SYNE2: variants seen among roughly 807,000 people sequenced by gnomAD.
SYNE2 encodes the protein nesprin-2.
Under a neutral mutation model 856.3 loss-of-function variants are expected in SYNE2, and 431 were observed. The observed-to-expected ratio is 0.50, with a 90% CI of 0.47 to 0.55. SYNE2 has a LOEUF of 0.55. Ranked by LOEUF, SYNE2 falls within the 20% of genes least tolerant of loss-of-function variation. The pLI is 0.00. For synonymous variants in SYNE2, 2,923 were observed against 2,872.3 expected (o/e 1.02, Z -0.56); for missense variants, 8,129 against 8,023.2 (o/e 1.01, Z -0.50).
intron 80 of SYNE2, among the ~76,000 whole-genome samples, chr14:64,141,111 A>G (rs1216974093): frequency 6.6e-6 from 1 of 152,128 alleles, no homozygotes; most frequent in Admixed American, 6.6e-5. Flanking sequence ...CTTATTTTTA[A>G]AAATGTTAAC....
At chr14:64,057,797 T>G (rs2097285177) in intron 49 of SYNE2, among the ~76,000 whole-genome samples, 1 of 152,246 alleles carries the variant, frequency 6.6e-6, no homozygotes, top group East Asian at 1.9e-4. Flanking sequence ...TGCCTGTCTT[T>G]TGGCTAAAAG....
Position 64,121,071 on chromosome 14 carries a change from GC to G in SYNE2, c.13158+15del. The G allele has an allele frequency of 1.2e-6, 2 of 1,613,844 alleles. No individual in the cohort carries two copies. Among genetic ancestry groups the G allele is most frequent in the Non-Finnish European group, 1.7e-6 (2 of 1,179,852 alleles). ...TTTCCAGCAGCAACAGGTAATTCTAGCCCCCAACAGTTGTAGGGACTAGAAT... is the reference window on the plus strand; with the variant it reads ...TTTCCAGCAGCAACAGGTAATTCTAGCCCCAACAGTTGTAGGGACTAGAAT... On this transcript the variant is annotated intron_variant, in intron 68 of 115. Transcript: ENST00000555002.
At chr14:63,933,585 A>C (rs2153403331) in intron 2 of SYNE2, among the ~76,000 whole-genome samples, 1 of 152,320 alleles carries the variant, frequency 6.6e-6, no homozygotes, top group Middle Eastern at 3.4e-3. Context: ...GATGATAATT[A>C]AGGATACTCA....
intron 49 of SYNE2, among the ~76,000 whole-genome samples, chr14:64,061,383 T>C (rs1474995491): frequency 6.6e-6 from 1 of 152,224 alleles, no homozygotes; most frequent in East Asian, 1.9e-4. Context: ...TAACTTCCCT[T>C]GGGTAAATAT....
At chr14:64,104,084 T>G (rs1034677879) in intron 64 of SYNE2, among the ~76,000 whole-genome samples, 14 of 152,206 alleles carry the variant, frequency 9.2e-5, no homozygotes, top group Admixed American at 6.5e-5. Flanking sequence ...TGGATCCTGC[T>G]TCCCATGTCA....
chr14:64,098,201 G>A, intron 62 of SYNE2, 55 bp downstream of exon 62: 2 of 1,589,720 alleles, frequency 1.3e-6, no homozygotes, highest in Non-Finnish European at 8.6e-7. Context: ...GCATTAATGG[G>A]TAGTGTTTTC....
chr14:63,817,835 G>C (rs1889055818), intron 1 of SYNE2, among the ~76,000 whole-genome samples: 1 of 150,696 alleles, frequency 6.6e-6, no homozygotes, highest in African/African-American at 2.4e-5. Context: ...ATCAGCTTGG[G>C]CAACACAGGG....
At chr14:64,127,217 C>T (rs1183543796) in intron 73 of SYNE2, among the ~76,000 whole-genome samples, 1 of 151,786 alleles carries the variant, frequency 6.6e-6, no homozygotes, top group East Asian at 1.9e-4. Context: ...GCTGAGATCA[C>T]ACGACTGCAC....
rs577765591 is a variant in SYNE2 at position 64,159,425 on chromosome 14, C to T, written c.16077C>T (p.Cys5359=). The T allele has an allele frequency of 1.2e-6, 2 of 1,613,552 alleles. No homozygotes were observed. The highest frequency in any genetic ancestry group is 3.3e-4 in the Middle Eastern group (2 of 6,078). The part of the protein sequence containing the change: ...PSVAEIIEEK[C]QNTHKRWTQV... ...TTGCTGAAATAATCGAAGAGAAATG[C>T]CAAAATACTCATAAAAGGTATGCTT... The change falls in exon 87 of 116, where the codon TGC becomes TGT. Residue 5359 remains cysteine (C), a synonymous_variant. Transcript: ENST00000555002.
At chr14:64,043,967 C>G (rs2097167752) in intron 45 of SYNE2, among the ~76,000 whole-genome samples, 1 of 152,206 alleles carries the variant, frequency 6.6e-6, no homozygotes, top group South Asian at 2.1e-4. Context: ...AAGTGATCCT[C>G]CCACCTCAGC....
intron 1 of SYNE2, chr14:63,864,542 G>A (rs919067712): frequency 4.6e-5 from 7 of 152,186 alleles, no homozygotes; most frequent in Admixed American, 1.3e-4. Context: ...AACTGCTGTT[G>A]ATTTCAGGTT....
chr14:64,134,177 G>A lies in SYNE2; in HGVS notation c.14623G>A (p.Val4875Met). Residue 4875 changes from valine (V) to methionine (M), a missense_variant, in exon 78 of 116, where the codon GTG becomes ATG. Physicochemically the swap from Val to Met is conservative, Grantham distance 21 (BLOSUM62 1). This residue lies in a region of SYNE2 where 5,410 missense variants were observed against 5,284.8 expected (regional missense o/e 1.02). Transcript: ENST00000555002. Reference protein sequence around the residue: ...SLVEETEERLVERISFYQQIK... With the variant: ...SLVEETEERLMERISFYQQIK... Reference sequence around the variant, plus strand: ...GGTGGAAGAAACAGAGGAAAGATTAGTGGAAAGGATTTCATTTTACCAGGT... The same window carrying A: ...GGTGGAAGAAACAGAGGAAAGATTAATGGAAAGGATTTCATTTTACCAGGT... 1 of 1,614,116 alleles carries A rather than the reference G, an allele frequency of 6.2e-7. No individual in the cohort carries two copies. The highest frequency in any genetic ancestry group is 1.1e-5 in the South Asian group (1 of 91,080).
intron 73 of SYNE2, among the ~76,000 whole-genome samples, chr14:64,127,168 G>A (rs1197548489): frequency 6.6e-6 from 1 of 152,170 alleles, no homozygotes. Context: ...GGCTGAGGCA[G>A]GAGAATTGCT....
At chr14:63,855,259 T>A (rs1029341422) in intron 1 of SYNE2, among the ~76,000 whole-genome samples, 1 of 152,112 alleles carries the variant, frequency 6.6e-6, no homozygotes, top group African/African-American at 2.4e-5. Context: ...AGGCAGGAAA[T>A]AAAATATATT....
chr14:63,965,223 A>C (rs2096374850), intron 10 of SYNE2, among the ~76,000 whole-genome samples: 1 of 152,078 alleles, frequency 6.6e-6, no homozygotes, highest in Non-Finnish European at 1.5e-5. Flanking sequence ...TCAGCCTCCT[A>C]AAGTGCTGTG....
intron 9 of SYNE2, among the ~76,000 whole-genome samples, chr14:63,962,384 ATTTCC>A (rs1428731444): frequency 6.6e-6 from 1 of 151,962 alleles, no homozygotes; most frequent in Non-Finnish European, 1.5e-5. Flanking sequence ...TATAATATTT[ATTTCC>A]TTTATTGAGA....
chr14:64,179,370 G>A (rs577307073), intron 96 of SYNE2, among the ~76,000 whole-genome samples: 1 of 152,176 alleles, frequency 6.6e-6, no homozygotes, highest in Admixed American at 6.5e-5. Flanking sequence ...AACTCCTGGG[G>A]CCTCAAGCGA....
At chr14:64,024,566 A>C in intron 39 of SYNE2, 107 bp downstream of exon 39, 1 of 1,121,180 alleles carries the variant, frequency 8.9e-7, no homozygotes, top group Non-Finnish European at 1.3e-6. Flanking sequence ...CACAAATTTC[A>C]CACACAAAAG....
intron 6 of SYNE2, among the ~76,000 whole-genome samples, chr14:63,943,533 G>C (rs895236971): frequency 1.3e-5 from 2 of 151,966 alleles, no homozygotes; most frequent in Non-Finnish European, 2.9e-5. Context: ...AATTACAATG[G>C]AATAATATGC....
Sources: allele counts gnomAD v4.1 joint callset (sites outside exome capture counted in the v4.1 genomes callset), GRCh38; gene constraint gnomAD v4.1.1; regional missense constraint gnomAD v4.1.1; transcripts MANE v1.5; gene names NCBI Gene and HGNC (gene_info 2026-07-23, HGNC 2026-07-21).